The following ZNF138 variants were observed in gnomAD, a reference collection of about 807,000 sequenced individuals.
ZNF138 encodes zinc finger protein 138 (clone pHZ-32).
ZNF138 carries 33 observed loss-of-function variants against 33.0 expected under a neutral mutation model. The ratio of observed to expected loss-of-function variants is 1.00; its 90% confidence interval spans 0.76 to 1.34. The LOEUF is 1.34. Among genes scored for constraint, ZNF138 ranks in the 40% most tolerant of loss-of-function variants. The pLI, the probability that ZNF138 is intolerant of heterozygous loss-of-function variation, is 0.00. For missense variants in ZNF138, 360 were observed against 370.8 expected (o/e 0.97, Z 0.24); for synonymous variants, 139 against 120.4 (o/e 1.15, Z -1.01).
chr7:64,800,964 T>A (rs1787093527), intron 1 of ZNF138, among the ~76,000 whole-genome samples: 1 of 152,188 alleles, frequency 6.6e-6, no homozygotes, highest in Admixed American at 6.5e-5. Context: ...CTAGTTTGTG[T>A]GCATGGAAGT....
rs1790157301 is a variant in ZNF138 at position 64,832,310 on chromosome 7, T to G, written c.*108T>G. 6 of 1,578,854 alleles carry G rather than the reference T, an allele frequency of 3.8e-6. No homozygotes were observed. In the East Asian group the frequency reaches 1.3e-4, roughly 35 times the overall value. ...CAACCCTTATTACACATAAGATAAT[T>G]CATAGCGGAGAGAAACCCCACAAAT... On this transcript the variant is annotated 3_prime_UTR_variant, in exon 4 of 4. Transcript: ENST00000307355.
intron 3 of ZNF138, among the ~76,000 whole-genome samples, chr7:64,827,270 C>CA (rs1351473000): frequency 1.4e-5 from 2 of 145,094 alleles, no homozygotes; most frequent in Admixed American, 1.4e-4. Flanking sequence ...TTTTTTAAGA[C>CA]AGAGTCTCAC....
At chr7:64,811,950 A>G (rs376288040) in intron 1 of ZNF138, among the ~76,000 whole-genome samples, 1 of 152,216 alleles carries the variant, frequency 6.6e-6, no homozygotes, top group Admixed American at 6.5e-5. Flanking sequence ...TTGAGAGGTA[A>G]TGCTTAGCTA....
chr7:64,853,294 T>C, the ZNF138 span: 2 of 1,612,122 alleles, frequency 1.2e-6, no homozygotes, highest in Non-Finnish European at 1.7e-6. Context: ...GTGAATCTGG[T>C]TAGCCGGAAG....
the ZNF138 span, among the ~76,000 whole-genome samples, chr7:64,848,015 G>C: frequency 1.3e-5 from 2 of 151,982 alleles, no homozygotes; most frequent in Non-Finnish European, 2.9e-5. Context: ...AATATTTTGA[G>C]CTCTTTTTAG....
At chr7:64,835,064 G>A (rs1341984204), downstream of ZNF138, among the ~76,000 whole-genome samples, 1 of 152,186 alleles carries the variant, frequency 6.6e-6, no homozygotes, top group Non-Finnish European at 1.5e-5. Context: ...TGGGTGAGGA[G>A]TGGGCAGGGT....
intron 1 of ZNF138, among the ~76,000 whole-genome samples, chr7:64,803,925 G>C (rs1787364271): frequency 6.6e-6 from 1 of 152,146 alleles, no homozygotes; most frequent in Admixed American, 6.5e-5. Context: ...CACTAAATTG[G>C]AATGCTGCTG....
intron 1 of ZNF138, among the ~76,000 whole-genome samples, chr7:64,800,489 A>G (rs2128985508): frequency 6.6e-6 from 1 of 152,308 alleles, no homozygotes. Context: ...AATCACATTT[A>G]TTAATTTGTG....
At chr7:64,841,291 C>G in the ZNF138 span, among the ~76,000 whole-genome samples, 1 of 152,040 alleles carries the variant, frequency 6.6e-6, no homozygotes, top group Admixed American at 6.6e-5. Context: ...TCTACATAAG[C>G]CTGTATTTTT....
In ZNF138 at chr7:64,831,552, A is replaced by C. The variant is rs1446541478; in HGVS notation, c.310A>C (p.Asn104His). Residue 104 changes from asparagine (N) to histidine (H), a missense_variant, in exon 4 of 4, where the codon AAT becomes CAT. Coordinates refer to ENST00000307355, the MANE Select transcript of ZNF138 (RefSeq NM_001271639.2). Reference sequence around the variant, plus strand: ...CAGATATGGAAAATATGGACATAAGAATTTACAGTTAAGAAAAGGCTGTAA... The same window carrying C: ...CAGATATGGAAAATATGGACATAAGCATTTACAGTTAAGAAAAGGCTGTAA... The part of the protein sequence containing the change: ...LSRYGKYGHK[N>H]LQLRKGCKSV... 6.2e-7 allele frequency: 1 copy of C among 1,613,666 alleles called. No homozygotes were observed. The highest frequency in any genetic ancestry group is 2.2e-5 in the East Asian group (1 of 44,852).
chr7:64,831,052 G>T, intron 3 of ZNF138: 1 of 1,551,638 alleles, frequency 6.4e-7, no homozygotes, highest in African/African-American at 1.4e-5. Flanking sequence ...GTCTGCAAAA[G>T]CACCTAGAAG....
At chr7:64,811,814 G>GCTCATTGTCAA (rs1373470537) in intron 1 of ZNF138, among the ~76,000 whole-genome samples, 2 of 152,154 alleles carry the variant, frequency 1.3e-5, no homozygotes, top group African/African-American at 2.4e-5. Flanking sequence ...AGCCCAAGGG[G>GCTCATTGTCAA]AGCAACATCA....
At chr7:64,814,868 A>C in intron 1 of ZNF138, 50 bp from the exon 2 acceptor site, 1 of 1,606,614 alleles carries the variant, frequency 6.2e-7, no homozygotes, top group Non-Finnish European at 8.5e-7. Flanking sequence ...AATTCTGCCC[A>C]TGGCTACTTG....
At chr7:64,795,399 C>A (rs1244041721) in intron 1 of ZNF138, among the ~76,000 whole-genome samples, 1 of 152,106 alleles carries the variant, frequency 6.6e-6, no homozygotes, top group South Asian at 2.1e-4. Context: ...AGACTCCTCC[C>A]CCTCCCCATT....
the ZNF138 span, among the ~76,000 whole-genome samples, chr7:64,844,043 CA>C: frequency 6.6e-6 from 1 of 152,088 alleles, no homozygotes; most frequent in African/African-American, 2.4e-5. Flanking sequence ...AGGCTGGTCT[CA>C]AATCTCTTGA....
intron 1 of ZNF138, among the ~76,000 whole-genome samples, chr7:64,806,739 AT>A (rs1787630989): frequency 2.0e-5 from 3 of 152,240 alleles, no homozygotes; most frequent in Admixed American, 2.0e-4. Flanking sequence ...AATTAAACTA[AT>A]AATGACACAC....
At chr7:64,804,192 G>A (rs959972961) in intron 1 of ZNF138, among the ~76,000 whole-genome samples, 17 of 152,298 alleles carry the variant, frequency 1.1e-4, no homozygotes, top group Admixed American at 7.9e-4. Context: ...GCGCCACACC[G>A]TGGGCCTGGT....
intron 3 of ZNF138, chr7:64,830,819 C>A (rs1183794269): frequency 2.0e-5 from 23 of 1,166,868 alleles, no homozygotes; most frequent in Non-Finnish European, 2.6e-5. Context: ...TTCTGAGAGT[C>A]TTTCAGACAT....
At chr7:64,853,182 G>T in the ZNF138 span, 2 of 1,586,376 alleles carry the variant, frequency 1.3e-6, no homozygotes, top group East Asian at 2.2e-5. Flanking sequence ...TGGCATAAAG[G>T]CTCCCAGAAA....
Sources: gnomAD v4.1 joint callset for allele counts (sites outside exome capture counted in the v4.1 genomes callset) on GRCh38, gnomAD v4.1.1 for gene constraint, MANE v1.5 for transcripts, NCBI Gene and HGNC (gene_info 2026-07-23, HGNC 2026-07-21) for gene names.